The following NINL variants were observed in gnomAD, a reference collection of about 807,000 sequenced individuals.
NINL encodes the protein ninein like, also known as ninein-like protein.
Under a neutral mutation model 160.3 loss-of-function variants are expected in NINL, and 153 were observed. That is an observed-to-expected ratio of 0.95 (90% confidence interval 0.84 to 1.09). NINL has a LOEUF of 1.09. Among genes scored for constraint, NINL ranks in the 50% least tolerant of loss-of-function variants. The probability of loss-of-function intolerance (pLI) is 0.00; values close to 1 mark genes in which losing one functional copy is unlikely to be tolerated. For missense variants in NINL, 1,829 were observed against 1,764.0 expected, an observed-to-expected ratio of 1.04 and a Z score of -0.66; for synonymous variants, 800 against 734.8, an observed-to-expected ratio of 1.09 and a Z score of -1.43.
Position 25,500,880 on chromosome 20 carries a change from C to T in NINL, c.992G>A (p.Trp331Ter), listed in dbSNP as rs2063853802. The T allele has an allele frequency of 6.2e-7, 1 of 1,614,170 alleles. No homozygotes were observed. The highest frequency in any genetic ancestry group is 1.1e-5 in the South Asian group (1 of 91,078). Residue 331 changes from tryptophan to a stop codon, truncating the protein, a stop_gained, in exon 8 of 24, where the codon TGG (tryptophan) becomes TAG (stop). Coordinates refer to ENST00000278886, the MANE Select transcript of NINL (RefSeq NM_025176.6). LOFTEE classifies it high-confidence loss of function. ...FAFPDQVLAM[W>*]TQEGIQNGRE... Reference sequence around the variant, plus strand: ...GCCATTCTGAATCCCCTCCTGGGTCCACATGGCCAGGACCTGATCAGGAAA... The same window carrying T: ...GCCATTCTGAATCCCCTCCTGGGTCTACATGGCCAGGACCTGATCAGGAAA...
intron 3 of NINL, among the ~76,000 whole-genome samples, chr20:25,516,216 C>A (rs983340819): frequency 6.6e-6 from 1 of 152,142 alleles, no homozygotes; most frequent in African/African-American, 2.4e-5. Context: ...TTCTGTACAG[C>A]CTGCAGAACT....
At chr20:25,511,414 T>A (rs771473614) in intron 4 of NINL, among the ~76,000 whole-genome samples, 49 of 152,194 alleles carry the variant, frequency 3.2e-4, no homozygotes, top group Non-Finnish European at 4.1e-4. Flanking sequence ...GTCAGCCAAC[T>A]GGAATCAAAG....
In NINL at chr20:25,473,713, CACACAT is replaced by C. The variant is rs1261525567; in HGVS notation, c.3248+2324_3248+2329del. On this transcript the variant is annotated intron_variant, in intron 17 of 23. Transcript: ENST00000278886. ...ACACACACACACACACACACACACACACACATCAGCTGGGCATGGTGGTGGGCACAT... is the reference window on the plus strand; with the variant it reads ...ACACACACACACACACACACACACACCAGCTGGGCATGGTGGTGGGCACAT... 1.5e-3 allele frequency among the ~76,000 whole-genome samples: 183 copies of C among 124,430 alleles called. 2 individuals are homozygous for C. Among genetic ancestry groups the C allele is most frequent in the African/African-American group, 5.3e-3 (174 of 33,002 alleles). The allele number at this position is 124,430 out of a possible 152,430, so 81.6% of individuals were successfully genotyped here. A position where few individuals can be genotyped will look rare whatever the true frequency, so the allele number is the denominator to read the frequency against.
chr20:25,518,100 T>G (rs368379286), intron 2 of NINL, among the ~76,000 whole-genome samples: 1 of 152,128 alleles, frequency 6.6e-6, no homozygotes, highest in African/African-American at 2.4e-5. Context: ...ACAACATAAT[T>G]AGGAAAGAGG....
chr20:25,583,632 C>T (rs140557131), intron 1 of NINL, among the ~76,000 whole-genome samples: 1,535 of 152,174 alleles, frequency 0.01, 14 homozygotes, highest in Non-Finnish European at 0.016. Flanking sequence ...GGGTATATAC[C>T]CAAAGGACTA....
intron 17 of NINL, among the ~76,000 whole-genome samples, chr20:25,474,411 G>C (rs1189795452): frequency 6.6e-6 from 1 of 152,234 alleles, no homozygotes; most frequent in Non-Finnish European, 1.5e-5. Flanking sequence ...AGGAAGAACA[G>C]ACGGACCAAG....
intron 19 of NINL, among the ~76,000 whole-genome samples, chr20:25,467,074 C>T (rs1373916905): frequency 1.3e-5 from 2 of 152,206 alleles, no homozygotes; most frequent in African/African-American, 2.4e-5. Context: ...TGCCTGCCAG[C>T]GTCTATGAGA....
intron 10 of NINL, among the ~76,000 whole-genome samples, chr20:25,492,701 C>A (rs758812577): frequency 1.3e-5 from 2 of 152,050 alleles, no homozygotes; most frequent in Non-Finnish European, 2.9e-5. Flanking sequence ...ATCTGCCTCC[C>A]AAAGTGCTGG....
intron 1 of NINL, among the ~76,000 whole-genome samples, chr20:25,529,731 T>C (rs1337107896): frequency 6.6e-6 from 1 of 152,126 alleles, no homozygotes; most frequent in Non-Finnish European, 1.5e-5. Flanking sequence ...TCCCAGCTAC[T>C]TGGGAGACTT....
At chr20:25,514,862 C>T (rs947092250) in intron 3 of NINL, among the ~76,000 whole-genome samples, 5 of 152,286 alleles carry the variant, frequency 3.3e-5, no homozygotes, top group South Asian at 2.1e-4. Flanking sequence ...TGCAGGTGGA[C>T]GGAGGGCAAG....
In NINL at chr20:25,477,825, C is replaced by T. The variant is rs578217751; in HGVS notation, c.2202-736G>A. 3.2e-4 allele frequency among the ~76,000 whole-genome samples: 48 copies of T among 152,210 alleles called. No individual in the cohort carries two copies. In the South Asian group the frequency reaches 8.5e-3, roughly 27 times the overall value. Reference sequence around the variant, plus strand: ...CTGCTTGTGCCTGCCCCTCTGTTCCCACTGGGGTCTGCAGGGACTCTGACC... The same window carrying T: ...CTGCTTGTGCCTGCCCCTCTGTTCCTACTGGGGTCTGCAGGGACTCTGACC... On this transcript the variant is annotated intron_variant, in intron 16 of 23. Transcript: ENST00000278886.
At chr20:25,522,933 A>T (rs2064288945) in intron 2 of NINL, among the ~76,000 whole-genome samples, 1 of 152,188 alleles carries the variant, frequency 6.6e-6, no homozygotes, top group African/African-American at 2.4e-5. Context: ...GGTACTTTCA[A>T]CTTCAAATTA....
intron 7 of NINL, 79 bp from the exon 8 acceptor site, chr20:25,501,089 C>T: frequency 2.7e-6 from 4 of 1,503,016 alleles, no homozygotes; most frequent in Admixed American, 2.1e-5. Flanking sequence ...TCTCCACCCT[C>T]CCCAGCCTGT....
chr20:25,546,322 C>T (rs2064731631), intron 1 of NINL, among the ~76,000 whole-genome samples: 1 of 152,172 alleles, frequency 6.6e-6, no homozygotes, highest in Admixed American at 6.5e-5. Flanking sequence ...GTGATTTCTC[C>T]ATACCTGTTA....
chr20:25,580,089 T>A (rs2065614623), intron 1 of NINL, among the ~76,000 whole-genome samples: 1 of 152,106 alleles, frequency 6.6e-6, no homozygotes, highest in Non-Finnish European at 1.5e-5. Flanking sequence ...TCCCAGCACT[T>A]TGGGAGGCCG....
At chr20:25,565,969 T>C (rs976542061) in intron 1 of NINL, among the ~76,000 whole-genome samples, 1 of 152,206 alleles carries the variant, frequency 6.6e-6, no homozygotes, top group African/African-American at 2.4e-5. Context: ...AATTGAGAGT[T>C]ACATCATTGG....
At chr20:25,577,840 T>C (rs946566880) in intron 1 of NINL, among the ~76,000 whole-genome samples, 15 of 151,568 alleles carry the variant, frequency 9.9e-5, no homozygotes, top group African/African-American at 3.6e-4. Context: ...CTTTTCTTTT[T>C]TTTTTTTTTG....
At position 25,504,999 on chromosome 20, in the gene NINL, G is replaced by C. The variant is rs964929847; in HGVS notation, c.597C>G (p.Ser199Arg). Reference sequence around the variant, plus strand: ...GCTCTTCCCACACGCCCCGGATCTGGCTCTCTGGGGTGTCAAAGGAGGGGC... The same window carrying C: ...GCTCTTCCCACACGCCCCGGATCTGCCTCTCTGGGGTGTCAAAGGAGGGGC... ...SCSPSFDTPE[S>R]QIRGVWEELG... The change falls in exon 6 of 24, where the codon AGC (serine) becomes AGG (arginine). Residue 199 changes from serine (S) to arginine (R), a missense_variant. Physicochemically the swap from Ser to Arg is moderately radical, Grantham distance 110. Transcript: ENST00000278886. 25 of 1,613,624 alleles carry C rather than the reference G, an allele frequency of 1.5e-5. No homozygotes were observed. The highest frequency in any genetic ancestry group is 2.0e-5 in the Non-Finnish European group (24 of 1,179,884).
At chr20:25,563,995 G>A (rs1211828414) in intron 1 of NINL, among the ~76,000 whole-genome samples, 3 of 152,118 alleles carry the variant, frequency 2.0e-5, no homozygotes, top group Non-Finnish European at 4.4e-5. Flanking sequence ...ACGGCAAGAG[G>A]ATTGCTTTAG....
Sources: gnomAD v4.1 joint callset for allele counts (sites outside exome capture counted in the v4.1 genomes callset) on GRCh38, gnomAD v4.1.1 for gene constraint, MANE v1.5 for transcripts, NCBI Gene and HGNC (gene_info 2026-07-23, HGNC 2026-07-21) for gene names.